The following PPM1L variants were observed in gnomAD, a reference collection of about 807,000 sequenced individuals.
PPM1L encodes the protein protein phosphatase 1L.
In PPM1L, 13 loss-of-function variants were observed where a neutral mutation model predicts 31.4. The observed-to-expected ratio is 0.41, with a 90% confidence interval of 0.27 to 0.66. The LOEUF (loss-of-function observed/expected upper bound fraction) is 0.66, where lower values mean the gene tolerates loss of function less well. Ranked by LOEUF, PPM1L falls within the 30% of genes least tolerant of loss-of-function variation. The pLI is 0.29. For missense variants in PPM1L, 326 were observed against 453.7 expected (o/e 0.72, Z 2.56); for synonymous variants, 184 against 175.4 (o/e 1.05, Z -0.39).
At position 160,973,764 on chromosome 3, in the gene PPM1L, GTTTTTTTTTTTTTTTTT is replaced by G. The variant is rs75599237; in HGVS notation, c.574+11867_574+11883del. ...GGTAAATTGCCTTCTGAAAGGCCCT[GTTTTTTTTTTTTTTTTT>G]TTTTTTTTTTTTAACCAAGACTTGT... On this transcript the variant is annotated intron_variant, in intron 2 of 3. Transcript: ENST00000498165. Among the ~76,000 whole-genome samples the G allele has an allele frequency of 7.9e-5, 7 of 88,476 alleles. No individual in the cohort carries two copies. In the East Asian group the frequency reaches 1.3e-3, roughly 16 times the overall value. 58.0% of individuals were successfully genotyped at this position (88,476 alleles called of 152,430 possible). A position where few individuals can be genotyped will look rare whatever the true frequency, so the allele number is the denominator to read the frequency against.
chr3:160,805,863 C>T (rs1194030101), intron 1 of PPM1L, among the ~76,000 whole-genome samples: 1 of 152,176 alleles, frequency 6.6e-6, no homozygotes, highest in East Asian at 1.9e-4. Flanking sequence ...TTGTTCTGCT[C>T]AGCATTTAAA....
intron 1 of PPM1L, among the ~76,000 whole-genome samples, chr3:160,773,187 A>T (rs1013021033): frequency 1.3e-5 from 2 of 152,190 alleles, no homozygotes; most frequent in Admixed American, 1.3e-4. Flanking sequence ...AATTTTAGCC[A>T]TTGTAGTAGG....
rs373191362 is a variant in PPM1L at position 160,950,346 on chromosome 3, G to A, written c.400-11390G>A. On this transcript the variant is annotated intron_variant, in intron 1 of 3. Transcript: ENST00000498165. The stretch of plus-strand genomic sequence containing the variant: ...AAGCTATAATGATAGAATTTCAGGC[G>A]TCAAAAAAGGGAAAACGATTTGGGG... Among the ~76,000 whole-genome samples the A allele has an allele frequency of 3.6e-4, 55 of 152,198 alleles. 1 individual carries two copies. The South Asian group carries it at 0.011, about 29-fold the overall frequency.
intron 1 of PPM1L, among the ~76,000 whole-genome samples, chr3:160,825,824 G>A (rs1222932676): frequency 6.6e-6 from 1 of 152,030 alleles, no homozygotes; most frequent in East Asian, 1.9e-4. Flanking sequence ...GCTGATATTC[G>A]CGAACCCTCC....
At chr3:160,791,723 A>G (rs1712110668) in intron 1 of PPM1L, among the ~76,000 whole-genome samples, 1 of 152,194 alleles carries the variant, frequency 6.6e-6, no homozygotes, top group African/African-American at 2.4e-5. Flanking sequence ...ATAAACGGAG[A>G]AATAATGAGT....
At chr3:160,764,493 GTGTCTTGTTC>G (rs1715055607) in intron 1 of PPM1L, among the ~76,000 whole-genome samples, 1 of 147,562 alleles carries the variant, frequency 6.8e-6, no homozygotes, top group Non-Finnish European at 1.5e-5. Context: ...TTTTAAGACG[GTGTCTTGTTC>G]TGTCCCAGGC....
chr3:161,000,569 C>G (rs774837121), intron 2 of PPM1L, among the ~76,000 whole-genome samples: 32 of 152,108 alleles, frequency 2.1e-4, no homozygotes, highest in Non-Finnish European at 7.4e-5. Flanking sequence ...GCTGATGAAT[C>G]TGGAAAAAAA....
intron 1 of PPM1L, among the ~76,000 whole-genome samples, chr3:160,918,998 C>G (rs543168782): frequency 2.1e-4 from 32 of 152,232 alleles, no homozygotes; most frequent in Non-Finnish European, 4.0e-4. Flanking sequence ...AGGAATAAAA[C>G]AGAGATTAAA....
chr3:160,996,375 A>T (rs1450989406), intron 2 of PPM1L, among the ~76,000 whole-genome samples: 4 of 152,222 alleles, frequency 2.6e-5, no homozygotes, highest in African/African-American at 9.6e-5. Context: ...AATTGCAAAA[A>T]TACGGAACCC....
At chr3:160,988,282 TAAG>T (rs1717030331) in intron 2 of PPM1L, among the ~76,000 whole-genome samples, 1 of 152,074 alleles carries the variant, frequency 6.6e-6, no homozygotes, top group South Asian at 2.1e-4. Flanking sequence ...ACATTCAGGT[TAAG>T]GAGTTAGGAA....
intron 2 of PPM1L, among the ~76,000 whole-genome samples, chr3:160,972,112 G>C (rs1342722692): frequency 6.6e-6 from 1 of 151,880 alleles, no homozygotes; most frequent in Non-Finnish European, 1.5e-5. Flanking sequence ...ATATTAATTA[G>C]TTTATTTTAG....
At chr3:160,903,164 A>AGTGTGTGTGTGTGTGTGTGTGTGTGTGT (rs60731351) in intron 1 of PPM1L, among the ~76,000 whole-genome samples, 7 of 106,584 alleles carry the variant, frequency 6.6e-5, no homozygotes, top group African/African-American at 3.0e-4. Context: ...TAGAAGCAAT[A>AGTGTGTGTGTGTGTGTGTGTGTGTGTGT]GTGTGTGTGT....
chr3:160,814,541 GTA>G (rs772856556), intron 1 of PPM1L, among the ~76,000 whole-genome samples: 2 of 114,024 alleles, frequency 1.8e-5, no homozygotes, highest in Admixed American at 8.3e-5. Context: ...GTATGTATGT[GTA>G]TATATACACA....
chr3:160,839,423 A>C (rs1713804826), intron 1 of PPM1L, among the ~76,000 whole-genome samples: 1 of 152,138 alleles, frequency 6.6e-6, no homozygotes. Flanking sequence ...AGTAAAAAAA[A>C]AGTTCTCACA....
chr3:160,966,655 G>A (rs1716157496), intron 2 of PPM1L, among the ~76,000 whole-genome samples: 1 of 152,068 alleles, frequency 6.6e-6, no homozygotes, highest in Non-Finnish European at 1.5e-5. Flanking sequence ...TTACTCTAGA[G>A]GATAGACTTC....
chr3:160,814,148 G>A (rs972124436), intron 1 of PPM1L, among the ~76,000 whole-genome samples: 2 of 152,104 alleles, frequency 1.3e-5, no homozygotes, highest in African/African-American at 2.4e-5. Context: ...CCTAGAAACT[G>A]CCTTTCTTTT....
At chr3:160,984,370 C>T (rs915428990) in intron 2 of PPM1L, among the ~76,000 whole-genome samples, 12 of 152,168 alleles carry the variant, frequency 7.9e-5, no homozygotes, top group African/African-American at 2.7e-4. Flanking sequence ...GGCAGCCAGA[C>T]TTTAAGGTTA....
chr3:160,960,655 T>C (rs1330849520), intron 1 of PPM1L, among the ~76,000 whole-genome samples: 2 of 152,002 alleles, frequency 1.3e-5, no homozygotes, highest in East Asian at 3.9e-4. Context: ...GTGGACTTCA[T>C]TGATTGATTT....
intron 1 of PPM1L, among the ~76,000 whole-genome samples, chr3:160,885,054 G>A (rs978991509): frequency 6.6e-6 from 1 of 152,046 alleles, no homozygotes; most frequent in Admixed American, 6.6e-5. Context: ...CTTTACCCTT[G>A]TCACCTTCAA....
Sources: gnomAD v4.1 joint callset for allele counts (sites outside exome capture counted in the v4.1 genomes callset) on GRCh38, gnomAD v4.1.1 for gene constraint, MANE v1.5 for transcripts, NCBI Gene and HGNC (gene_info 2026-07-23, HGNC 2026-07-21) for gene names.